Variants in ABCC2 observed in about 807,000 individuals in gnomAD.
The protein encoded by ABCC2 is ATP-binding cassette sub-family C member 2.
A neutral mutation model predicts 173.4 loss-of-function variants in ABCC2; 157 were observed. The observed-to-expected ratio is 0.91, with a 90% CI of 0.80 to 1.03. The LOEUF is 1.03. ABCC2 is among the 50% of genes least tolerant of loss of function. The pLI is 0.00. For missense variants in ABCC2, 1,822 were observed against 1,852.3 expected (o/e 0.98, Z 0.30); for synonymous variants, 657 against 693.5 (o/e 0.95, Z 0.83).
At chr10:99,851,041 A>C (rs571993701) in intron 31 of ABCC2, among the ~76,000 whole-genome samples, 2 of 152,348 alleles carry the variant, frequency 1.3e-5, no homozygotes, top group East Asian at 3.9e-4. Context: ...TGTAACAATT[A>C]ACTGGGTATG....
chr10:99,811,463 G>C, intron 14 of ABCC2, 73 bp from the exon 15 acceptor site: 1 of 1,452,034 alleles, frequency 6.9e-7, no homozygotes, highest in Non-Finnish European at 9.7e-7. Flanking sequence ...TGGAGAAAGC[G>C]GAGAGAGACA....
chr10:99,828,472 C>T (rs749517134), intron 19 of ABCC2, among the ~76,000 whole-genome samples: 3 of 152,186 alleles, frequency 2.0e-5, no homozygotes, highest in Non-Finnish European at 2.9e-5. Context: ...AGGGCAAAAT[C>T]AAGGTGTCAG....
rs1367688167 is a variant in ABCC2, at chr10:99,814,299, ATACACACATG to A, written c.2094+1158_2094+1167del. On this transcript the variant is annotated intron_variant, in intron 16 of 31. Coordinates refer to ENST00000647814, the MANE Select transcript of ABCC2 (RefSeq NM_000392.5). ...CACGTATGTATACACACACGTATGT[ATACACACATG>A]TATATACACACGTATGTATACACAC... is the stretch of plus-strand genomic sequence containing the variant. 7.5e-3 allele frequency among the ~76,000 whole-genome samples: 576 copies of A among 76,554 alleles called. 90 individuals are homozygous for A. Among genetic ancestry groups the A allele is most frequent in the African/African-American group, 0.03 (530 of 17,708 alleles). The allele number at this position is 76,554 out of a possible 152,430, so 50.2% of individuals were successfully genotyped here.
chr10:99,799,337 A>G lies in ABCC2; in HGVS notation c.998A>G (p.Asp333Gly), dbSNP rs17222674. 2.3e-4 allele frequency: 374 copies of G among 1,614,166 alleles called. No individual in the cohort carries two copies. The African/African-American group carries it at 4.2e-3, about 18-fold the overall frequency. Residue 333 changes from aspartate (D) to glycine (G), a missense_variant, in exon 8 of 32, where the codon GAC (aspartate) becomes GGC (glycine). Asp to Gly is a moderately conservative substitution (Grantham distance 94). Transcript: ENST00000647814. ...TCATTCCTACTGAAGCTAGTGAATG[A>G]CATCTTCACGTTTGTGAGTCCTCAG... The part of the protein sequence containing the change: ...LKSFLLKLVN[D>G]IFTFVSPQLL...
chr10:99,846,822 G>A (rs1247498166), intron 29 of ABCC2, 139 bp from the exon 30 acceptor site: 16 of 1,183,784 alleles, frequency 1.4e-5, no homozygotes, highest in African/African-American at 4.5e-5. Context: ...AAAACCTTGC[G>A]GAAGCTCAAC....
At chr10:99,819,352 T>C in intron 19 of ABCC2, 83 bp downstream of exon 19, 1 of 1,332,010 alleles carries the variant, frequency 7.5e-7, no homozygotes, top group Non-Finnish European at 1.1e-6. Context: ...AACTGCTCAG[T>C]ATCCAGTGAA....
At chr10:99,808,834 G>C (rs2038160686) in intron 13 of ABCC2, among the ~76,000 whole-genome samples, 1 of 152,172 alleles carries the variant, frequency 6.6e-6, no homozygotes, top group African/African-American at 2.4e-5. Flanking sequence ...TGAATGACAG[G>C]AGTGTGGTGA....
intron 17 of ABCC2, 86 bp downstream of exon 17, chr10:99,817,570 A>C: frequency 2.1e-6 from 3 of 1,414,906 alleles, no homozygotes; most frequent in Non-Finnish European, 2.0e-6. Flanking sequence ...ACACAGGGGT[A>C]ATCTAGTTGA....
In ABCC2 at chr10:99,836,248, A is replaced by C. The variant is rs1311777224; in HGVS notation, c.3572A>C (p.Asp1191Ala). The C allele has an allele frequency of 2.0e-5, 32 of 1,614,070 alleles. No homozygotes were observed. Among genetic ancestry groups the C allele is most frequent in the Non-Finnish European group, 2.6e-5 (31 of 1,180,048 alleles). The change falls in exon 25 of 32, where the codon GAC (aspartate) becomes GCC (alanine). Residue 1191 changes from aspartate (D) to alanine (A), a missense_variant. Transcript: ENST00000647814. ...RFLKHNEVRI[D>A]TNQKCVFSWI... ...CTGAAACACAATGAGGTGAGGATTG[A>C]CACCAACCAGAAATGTGTCTTTTCC... is the stretch of plus-strand genomic sequence containing the variant.
At chr10:99,790,682 C>T (rs1022275036) in intron 2 of ABCC2, among the ~76,000 whole-genome samples, 2 of 152,078 alleles carry the variant, frequency 1.3e-5, no homozygotes, top group South Asian at 4.1e-4. Flanking sequence ...TTCCCAAAAC[C>T]TCATAGTCTC....
chr10:99,813,032 T>C lies in ABCC2; in HGVS notation c.1982T>C (p.Ile661Thr). The change falls in exon 16 of 32, where the codon ATT becomes ACT. Residue 661 changes from isoleucine to threonine, a missense_variant. Coordinates refer to ENST00000647814, the MANE Select transcript of ABCC2 (RefSeq NM_000392.5). ...CTGTCTTTCAGTGTGAACCTGGACA[T>C]TATGGCAGGCCAACTTGTGGCTGTG... ...EATVRDVNLD[I>T]MAGQLVAVIG... The C allele has an allele frequency of 6.2e-7, 1 of 1,613,982 alleles. No homozygotes were observed. Among genetic ancestry groups the C allele is most frequent in the South Asian group, 1.1e-5 (1 of 91,068 alleles).
intron 30 of ABCC2, among the ~76,000 whole-genome samples, chr10:99,850,260 T>C (rs1205486798): frequency 6.6e-6 from 1 of 152,208 alleles, no homozygotes; most frequent in African/African-American, 2.4e-5. Flanking sequence ...AAAGCATGGT[T>C]CCTGGGCCAT....
chr10:99,814,652 C>CATATGTGTATATACACATAT (rs2038353476), intron 16 of ABCC2, among the ~76,000 whole-genome samples: 1 of 100,928 alleles, frequency 9.9e-6, no homozygotes, highest in African/African-American at 3.5e-5. Flanking sequence ...CACATATACA[C>CATATGTGTATATACACATAT]ACACATATGT....
chr10:99,797,431 A>AAGTGC, intron 7 of ABCC2, 100 bp downstream of exon 7: 1 of 1,045,088 alleles, frequency 9.6e-7, no homozygotes, highest in Non-Finnish European at 1.5e-6. Context: ...ATAGCACTTC[A>AAGTGC]TACTTCTCAG....
At chr10:99,835,536 C>T (rs1299347746) in intron 24 of ABCC2, among the ~76,000 whole-genome samples, 2 of 152,118 alleles carry the variant, frequency 1.3e-5, no homozygotes, top group Non-Finnish European at 2.9e-5. Context: ...TGTTCCAGTT[C>T]TTACCCCCTC....
At chr10:99,827,285 C>T (rs9794324) in intron 19 of ABCC2, among the ~76,000 whole-genome samples, 100,658 of 146,224 alleles carry the variant, frequency 0.69, 33,740 homozygotes, top group East Asian at 0.8. Flanking sequence ...GCCCTCGTGG[C>T]TTAGACTCTG....
At chr10:99,826,142 A>G (rs2038635085) in intron 19 of ABCC2, among the ~76,000 whole-genome samples, 1 of 152,238 alleles carries the variant, frequency 6.6e-6, no homozygotes, top group African/African-American at 2.4e-5. Context: ...AGACTGGGCA[A>G]TTCTTTTTTA....
intron 23 of ABCC2, 134 bp from the exon 24 acceptor site, chr10:99,834,246 A>G: frequency 3.2e-6 from 3 of 929,884 alleles, no homozygotes; most frequent in Admixed American, 4.0e-5. Context: ...TTGCAAATGA[A>G]CACAATGAAA....
intron 8 of ABCC2, 51 bp from the exon 9 acceptor site, chr10:99,800,335 G>A (rs1012727107): frequency 8.1e-6 from 13 of 1,597,566 alleles, no homozygotes; most frequent in Non-Finnish European, 3.4e-6. Context: ...TGAGGAGAGA[G>A]GCATCCTTGG....
Sources: gnomAD v4.1 joint callset for allele counts (sites outside exome capture counted in the v4.1 genomes callset) on GRCh38, gnomAD v4.1.1 for gene constraint, MANE v1.5 for transcripts, NCBI Gene and HGNC (gene_info 2026-07-23, HGNC 2026-07-21) for gene names.